FAM193A: variants seen among roughly 807,000 people sequenced by gnomAD.
FAM193A encodes the protein family with sequence similarity 193 member A, also known as protein FAM193A.
FAM193A carries 22 observed loss-of-function variants against 126.5 expected under a neutral mutation model. The observed-to-expected ratio is 0.17, with a 90% CI of 0.12 to 0.25. The LOEUF (loss-of-function observed/expected upper bound fraction) is 0.25, where lower values mean the gene tolerates loss of function less well. FAM193A is among the 10% of genes least tolerant of loss of function. The probability of loss-of-function intolerance (pLI) is 1.00; values close to 1 mark genes in which losing one functional copy is unlikely to be tolerated. For synonymous variants in FAM193A, 761 were observed against 646.8 expected, an observed-to-expected ratio of 1.18 and a Z score of -2.68; for missense variants, 1,675 against 1,672.8, an observed-to-expected ratio of 1.00 and a Z score of -0.02.
At chr4:2,595,346 G>A (rs1039642819) in intron 1 of FAM193A, among the ~76,000 whole-genome samples, 2 of 152,194 alleles carry the variant, frequency 1.3e-5, no homozygotes, top group African/African-American at 4.8e-5. Context: ...ACTGTGCCCA[G>A]CCTTCAGTTT....
At chr4:2,588,437 A>G (rs1349731938) in intron 1 of FAM193A, among the ~76,000 whole-genome samples, 1 of 152,106 alleles carries the variant, frequency 6.6e-6, no homozygotes, top group African/African-American at 2.4e-5. Context: ...TGTGGGCCCC[A>G]CTGTTTTAGG....
intron 20 of FAM193A, among the ~76,000 whole-genome samples, chr4:2,724,042 TTC>T (rs1368462162): frequency 3.3e-5 from 5 of 150,556 alleles, no homozygotes; most frequent in Non-Finnish European, 7.4e-5. Flanking sequence ...TTTTTTTTTT[TTC>T]AGCTTACTCA....
intron 11 of FAM193A, 55 bp from the exon 12 acceptor site, chr4:2,663,054 T>A: frequency 6.3e-7 from 1 of 1,595,702 alleles, no homozygotes. Context: ...GACATTTTAA[T>A]ATTTTATATT....
intron 2 of FAM193A, among the ~76,000 whole-genome samples, chr4:2,621,887 A>C (rs1742565407): frequency 6.6e-6 from 1 of 152,116 alleles, no homozygotes. Context: ...CTTCAGTCAG[A>C]ACTCCATGGC....
rs1237544875 is a variant in FAM193A, at chr4:2,690,868, A to G, written c.2701A>G (p.Met901Val). The change falls in exon 15 of 21, where the codon ATG becomes GTG. Residue 901 changes from methionine (M) to valine (V), a missense_variant. Physicochemically the swap from Met to Val is conservative, Grantham distance 21. Around this residue, in one of 4 missense-constraint regions of FAM193A, gnomAD observed 1,186 missense variants for 1,109.2 expected, o/e 1.07. Transcript: ENST00000637812. ...TTTCATGGAAGCAAATAAAGTTGTC[A>G]TGGCCACGTCATCAGCCACGTCCTC... is the stretch of plus-strand genomic sequence containing the variant. The part of the protein sequence containing the change: ...DAFMEANKVV[M>V]ATSSATSSVS... 1 of 1,614,102 alleles carries G rather than the reference A, an allele frequency of 6.2e-7. No individual in the cohort carries two copies. Among genetic ancestry groups the G allele is most frequent in the Non-Finnish European group, 8.5e-7 (1 of 1,180,036 alleles).
At chr4:2,637,734 C>G (rs1460325907) in intron 5 of FAM193A, among the ~76,000 whole-genome samples, 2 of 152,214 alleles carry the variant, frequency 1.3e-5, no homozygotes, top group African/African-American at 2.4e-5. Flanking sequence ...ATTTGAGCCC[C>G]TCTATGCTGG....
intron 5 of FAM193A, among the ~76,000 whole-genome samples, chr4:2,638,876 C>T (rs2109023554): frequency 6.6e-6 from 1 of 152,338 alleles, no homozygotes; most frequent in Non-Finnish European, 1.5e-5. Flanking sequence ...AACCCAGTCC[C>T]TGTGAGTGAC....
In FAM193A at chr4:2,700,096, C is replaced by T. The variant is rs1160461456; in HGVS notation, c.3924C>T (p.Leu1308=). The T allele has an allele frequency of 3.1e-6, 5 of 1,613,794 alleles. No individual in the cohort carries two copies. The African/African-American group carries it at 5.3e-5, about 17-fold the overall frequency. ...TCGACACCAGAGACTCCAAATTTCT[C>T]CTCCCCAAGGAGGTGAATGGGAAGC... The part of the protein sequence containing the change: ...DPVDTRDSKF[L]LPKEVNGKQH... The change falls in exon 19 of 21, where the codon CTC becomes CTT. Residue 1308 remains leucine, a synonymous_variant. Coordinates refer to ENST00000637812, the MANE Select transcript of FAM193A (RefSeq NM_001366318.2).
intron 2 of FAM193A, among the ~76,000 whole-genome samples, chr4:2,603,852 T>G (rs1321221984): frequency 6.6e-6 from 1 of 151,628 alleles, no homozygotes; most frequent in Non-Finnish European, 1.5e-5. Flanking sequence ...TTATTATTAT[T>G]ATTATTTTGA....
chr4:2,713,273 G>T (rs941663188), intron 19 of FAM193A, among the ~76,000 whole-genome samples: 2 of 151,064 alleles, frequency 1.3e-5, no homozygotes, highest in African/African-American at 2.4e-5. Flanking sequence ...AGGCGTGGTG[G>T]CGCGCACCTG....
intron 2 of FAM193A, among the ~76,000 whole-genome samples, chr4:2,601,230 T>C (rs867318466): frequency 4.9e-4 from 68 of 137,916 alleles, no homozygotes; most frequent in African/African-American, 1.5e-3. Flanking sequence ...TCTTCTTCTT[T>C]TTTTTTTTTT....
At chr4:2,616,363 C>T (rs964646123) in intron 2 of FAM193A, among the ~76,000 whole-genome samples, 3 of 151,916 alleles carry the variant, frequency 2.0e-5, no homozygotes, top group African/African-American at 7.3e-5. Flanking sequence ...TTCTTTTTAA[C>T]CTGTCTTTAT....
intron 13 of FAM193A, among the ~76,000 whole-genome samples, chr4:2,685,544 G>C (rs1244244765): frequency 6.6e-6 from 1 of 152,160 alleles, no homozygotes. Context: ...AGCAAAGATG[G>C]TCCTTCGCCT....
At chr4:2,680,701 G>A (rs1355327307) in intron 13 of FAM193A, among the ~76,000 whole-genome samples, 1 of 151,754 alleles carries the variant, frequency 6.6e-6, no homozygotes, top group South Asian at 2.1e-4. Context: ...AAGTGCAATG[G>A]CACCATCTTG....
intron 20 of FAM193A, among the ~76,000 whole-genome samples, chr4:2,718,822 A>T (rs1461394726): frequency 6.6e-6 from 1 of 152,196 alleles, no homozygotes; most frequent in Non-Finnish European, 1.5e-5. Context: ...ACTGGGAACA[A>T]CTTCATTACA....
intron 1 of FAM193A, among the ~76,000 whole-genome samples, chr4:2,545,743 A>G (rs754215228): frequency 6.6e-6 from 1 of 152,220 alleles, no homozygotes; most frequent in Non-Finnish European, 1.5e-5. Flanking sequence ...ATGCAGTGTT[A>G]TGACAATGGC....
rs530213703 is a variant in FAM193A at position 2,610,300 on chromosome 4, T to C, written c.501+13971T>C. ...TCTTGAATTGTTACCCAATGGTTAC[T>C]ACGCCCATAGATCAATCAAGGCATA... On this transcript the variant is annotated intron_variant, in intron 2 of 20. Transcript: ENST00000637812. Among the ~76,000 whole-genome samples, 2 of 152,308 alleles carry C rather than the reference T, an allele frequency of 1.3e-5. 1 individual carries two copies. Among genetic ancestry groups the C allele is most frequent in the Admixed American group, 1.3e-4 (2 of 15,294 alleles).
intron 6 of FAM193A, among the ~76,000 whole-genome samples, chr4:2,644,591 C>T (rs1049044324): frequency 6.6e-6 from 1 of 152,202 alleles, no homozygotes; most frequent in Admixed American, 6.5e-5. Context: ...AGCCTCAATC[C>T]ATGTGCGTCA....
rs748874047 is a variant in FAM193A, at chr4:2,700,510, G to C, written c.4338G>C (p.Lys1446Asn). Residue 1446 changes from lysine to asparagine, a missense_variant, in exon 19 of 21, where the codon AAG becomes AAC. Lys to Asn is a moderately conservative substitution (Grantham distance 94). Around this residue, in one of 4 missense-constraint regions of FAM193A, gnomAD observed 415 missense variants for 396.7 expected, o/e 1.05. Coordinates refer to ENST00000637812, the MANE Select transcript of FAM193A (RefSeq NM_001366318.2). ...CAAAGGGCAAGAACAAGAAAAATAA[G>C]AAGAAGAAAGGAGACAGAGTCAACA... ...PQPKGKNKKN[K>N]KKKGDRVNNS... 1 of 1,612,696 alleles carries C rather than the reference G, an allele frequency of 6.2e-7. No individual in the cohort carries two copies. Among genetic ancestry groups the C allele is most frequent in the Non-Finnish European group, 8.5e-7 (1 of 1,179,562 alleles).
Sources: allele counts gnomAD v4.1 joint callset (sites outside exome capture counted in the v4.1 genomes callset), GRCh38; gene constraint gnomAD v4.1.1; regional missense constraint gnomAD v4.1.1; transcripts MANE v1.5; gene names NCBI Gene and HGNC (gene_info 2026-07-23, HGNC 2026-07-21).